CSMD3: variants seen among roughly 807,000 people sequenced by gnomAD.
CSMD3 encodes CUB and Sushi multiple domains 3, also known as CUB and sushi domain-containing protein 3.
CSMD3 carries 177 observed loss-of-function variants against 435.2 expected under a neutral mutation model. That is an observed-to-expected ratio of 0.41 (90% confidence interval 0.36 to 0.46). CSMD3 has a LOEUF of 0.46. Among genes scored for constraint, CSMD3 ranks in the 20% least tolerant of loss-of-function variants. The pLI is 0.34. For missense variants in CSMD3, 4,265 were observed against 4,504.6 expected (o/e 0.95, Z 1.52); for synonymous variants, 1,656 against 1,520.5 (o/e 1.09, Z -2.07).
At chr8:113,269,842 C>T (rs1300822998) in intron 3 of CSMD3, among the ~76,000 whole-genome samples, 1 of 151,906 alleles carries the variant, frequency 6.6e-6, no homozygotes, top group Non-Finnish European at 1.5e-5. Context: ...AAATGTTAGA[C>T]CTAAAACCAT....
At chr8:113,055,238 C>A (rs184020521) in intron 5 of CSMD3, among the ~76,000 whole-genome samples, 1 of 152,286 alleles carries the variant, frequency 6.6e-6, no homozygotes, top group Admixed American at 6.5e-5. Context: ...GCAACCTCCA[C>A]CTCCTGCGTT....
intron 23 of CSMD3, among the ~76,000 whole-genome samples, chr8:112,586,736 G>C (rs1830758539): frequency 6.6e-6 from 1 of 151,024 alleles, no homozygotes; most frequent in Non-Finnish European, 1.5e-5. Context: ...ACGGTCATTT[G>C]ATGATGTTTT....
chr8:112,271,771 C>G lies in CSMD3; in HGVS notation c.9509-6181G>C, dbSNP rs140351153. ...AATGGTAAACACTCAATAACAGATA[C>G]TATTATTTATGAGAAGAAATAGTAA... On this transcript the variant is annotated intron_variant, in intron 59 of 70. Transcript: ENST00000297405. 2.4e-3 allele frequency among the ~76,000 whole-genome samples: 372 copies of G among 152,204 alleles called. 3 individuals are homozygous for G. The highest frequency in any genetic ancestry group is 8.7e-3 in the African/African-American group (362 of 41,538).
chr8:112,857,761 G>GA (rs1187838084), intron 11 of CSMD3, among the ~76,000 whole-genome samples: 3 of 149,778 alleles, frequency 2.0e-5, no homozygotes, highest in Non-Finnish European at 4.5e-5. Context: ...AAAAGTGCTA[G>GA]AAAAAAACTA....
intron 6 of CSMD3, among the ~76,000 whole-genome samples, chr8:112,987,001 T>A (rs559094701): frequency 3.2e-4 from 48 of 152,228 alleles, no homozygotes; most frequent in African/African-American, 1.0e-3. Flanking sequence ...TGTGTGTATA[T>A]ATGTATATAT....
chr8:112,774,442 A>C (rs909862368), intron 13 of CSMD3, among the ~76,000 whole-genome samples: 3 of 151,936 alleles, frequency 2.0e-5, no homozygotes, highest in African/African-American at 7.2e-5. Flanking sequence ...AAGAGCCCAA[A>C]TCTCTTTCTT....
At chr8:113,081,103 A>G (rs2089545274) in intron 5 of CSMD3, among the ~76,000 whole-genome samples, 1 of 152,220 alleles carries the variant, frequency 6.6e-6, no homozygotes, top group South Asian at 2.1e-4. Context: ...ATTACCTTAA[A>G]TGTACTGTGA....
chr8:112,650,070 T>C, intron 19 of CSMD3, 91 bp downstream of exon 19: 1 of 936,782 alleles, frequency 1.1e-6, no homozygotes, highest in South Asian at 1.5e-5. Flanking sequence ...AAACCTAAAA[T>C]ATTTATAATT....
At chr8:112,600,709 G>T (rs1384904196) in intron 22 of CSMD3, among the ~76,000 whole-genome samples, 2 of 149,688 alleles carry the variant, frequency 1.3e-5, no homozygotes, top group Admixed American at 1.3e-4. Flanking sequence ...TTTTTGAGAC[G>T]GAGTCTCCCT....
In CSMD3 at chr8:113,328,735, C is replaced by CTTTTTTTTTTTTTTTTTTTTTTTTT. The variant is rs71281211; in HGVS notation, c.179-13943_179-13942insAAAAAAAAAAAAAAAAAAAAAAAAA. Among the ~76,000 whole-genome samples the CTTTTTTTTTTTTTTTTTTTTTTTTT allele has an allele frequency of 6.6e-4, 38 of 57,196 alleles. 7 individuals carry two copies. The highest frequency in any genetic ancestry group is 9.0e-4 in the Admixed American group (3 of 3,316). The allele number at this position is 57,196 out of a possible 152,430, so 37.5% of individuals were successfully genotyped here. ...CTTTCTTTCTTTCCTTCCTTCTTTT[C>CTTTTTTTTTTTTTTTTTTTTTTTTT]TTTTTTTTTTTTTTTTTTTTTTTTG... On this transcript the variant is annotated intron_variant, in intron 1 of 70. Coordinates refer to ENST00000297405, the MANE Select transcript of CSMD3 (RefSeq NM_198123.2).
At chr8:112,551,505 T>C (rs1226222487) in intron 26 of CSMD3, among the ~76,000 whole-genome samples, 1 of 152,158 alleles carries the variant, frequency 6.6e-6, no homozygotes, top group Non-Finnish European at 1.5e-5. Context: ...CTACATACAA[T>C]ACATTTATGT....
chr8:112,352,595 C>T, intron 38 of CSMD3, 61 bp from the exon 39 acceptor site: 5 of 1,415,620 alleles, frequency 3.5e-6, no homozygotes, highest in Non-Finnish European at 3.0e-6. Context: ...TTAAGTTATG[C>T]ATATTAAGTT....
In CSMD3 at chr8:112,587,246, A is replaced by C. The variant is rs1414426606; in HGVS notation, c.3716-11T>G. On this transcript the variant is annotated splice_polypyrimidine_tract_variant and intron_variant, in intron 22 of 70. Coordinates refer to ENST00000297405, the MANE Select transcript of CSMD3 (RefSeq NM_198123.2). ...ATGCACCACATTCAGCTGCAGGTAAAACAGAATATTGAAGTACAGTTTAAT... is the reference window on the plus strand; with the variant it reads ...ATGCACCACATTCAGCTGCAGGTAACACAGAATATTGAAGTACAGTTTAAT... 1.2e-6 allele frequency: 2 copies of C among 1,600,214 alleles called. No homozygotes were observed. The highest frequency in any genetic ancestry group is 1.7e-5 in the Admixed American group (1 of 59,846).
chr8:112,929,487 CT>C (rs2083033823), intron 9 of CSMD3, among the ~76,000 whole-genome samples: 2 of 151,884 alleles, frequency 1.3e-5, no homozygotes, highest in African/African-American at 4.8e-5. Flanking sequence ...TTTATGGAGA[CT>C]AAGAGATAAA....
At chr8:112,522,033 A>G (rs758831127) in intron 27 of CSMD3, among the ~76,000 whole-genome samples, 2 of 151,848 alleles carry the variant, frequency 1.3e-5, no homozygotes, top group African/African-American at 2.4e-5. Flanking sequence ...ACTACTTTTT[A>G]TGCCAGTGAT....
chr8:112,686,056 G>C lies in CSMD3; in HGVS notation c.2156-324C>G, dbSNP rs113812523. On this transcript the variant is annotated intron_variant, in intron 14 of 70. Coordinates refer to ENST00000297405, the MANE Select transcript of CSMD3 (RefSeq NM_198123.2). ...TTAAAAAGTGAAAAAATATACAGAAGTTCCCATAGAAAGCAATAAGGTTCT... is the reference window on the plus strand; with the variant it reads ...TTAAAAAGTGAAAAAATATACAGAACTTCCCATAGAAAGCAATAAGGTTCT... 3.0e-3 allele frequency among the ~76,000 whole-genome samples: 461 copies of C among 152,174 alleles called. 1 individual carries two copies. The highest frequency in any genetic ancestry group is 0.01 in the African/African-American group (428 of 41,540).
chr8:112,439,933 G>T (rs1814808978), intron 32 of CSMD3, among the ~76,000 whole-genome samples: 1 of 151,794 alleles, frequency 6.6e-6, no homozygotes, highest in Non-Finnish European at 1.5e-5. Context: ...AATACACAAA[G>T]CCAGACCATA....
chr8:112,557,049 A>G (rs1321899872), intron 24 of CSMD3, 95 bp from the exon 25 acceptor site: 2 of 787,164 alleles, frequency 2.5e-6, no homozygotes, highest in African/African-American at 3.4e-5. Flanking sequence ...TTTGATGATT[A>G]CATACTTATT....
At position 112,571,946 on chromosome 8, in the gene CSMD3, A is replaced by G. The variant is rs149204892; in HGVS notation, c.4042+1555T>C. Among the ~76,000 whole-genome samples the G allele has an allele frequency of 3.3e-3, 508 of 151,914 alleles. 7 individuals are homozygous for G. The highest frequency in any genetic ancestry group is 0.012 in the African/African-American group (480 of 41,472). ...AACATGATGCAGAACAAAAACCATT[A>G]CGTAAACATTGTGTCATGCATTTCA... On this transcript the variant is annotated intron_variant, in intron 24 of 70. Coordinates refer to ENST00000297405, the MANE Select transcript of CSMD3 (RefSeq NM_198123.2).
Sources: allele counts gnomAD v4.1 joint callset (sites outside exome capture counted in the v4.1 genomes callset), GRCh38; gene constraint gnomAD v4.1.1; transcripts MANE v1.5; gene names NCBI Gene and HGNC (gene_info 2026-07-23, HGNC 2026-07-21).